The following PSD3 variants were observed in gnomAD, a reference collection of about 807,000 sequenced individuals.
PSD3 encodes pleckstrin and Sec7 domain containing 3.
PSD3 carries 49 observed loss-of-function variants against 105.5 expected under a neutral mutation model. The ratio of observed to expected loss-of-function variants is 0.46; its 90% CI spans 0.37 to 0.59. PSD3 has a LOEUF of 0.59. PSD3 is among the 20% of genes least tolerant of loss of function. The pLI is 0.00. For missense variants in PSD3, 1,561 were observed against 1,263.8 expected, an observed-to-expected ratio of 1.24 and a Z score of -3.57; for synonymous variants, 557 against 457.8, an observed-to-expected ratio of 1.22 and a Z score of -2.77.
At chr8:18,666,022 T>C (rs1202080270) in intron 9 of PSD3, among the ~76,000 whole-genome samples, 1 of 152,174 alleles carries the variant, frequency 6.6e-6, no homozygotes, top group Non-Finnish European at 1.5e-5. Context: ...AAGGCTCCAA[T>C]GACACACATA....
intron 9 of PSD3, among the ~76,000 whole-genome samples, chr8:18,670,962 G>T (rs904928354): frequency 5.3e-5 from 8 of 152,124 alleles, no homozygotes; most frequent in African/African-American, 1.9e-4. Flanking sequence ...AAATAGAGAT[G>T]ACATTAGATT....
At chr8:18,896,822 T>G (rs1819180439) in intron 2 of PSD3, among the ~76,000 whole-genome samples, 1 of 152,112 alleles carries the variant, frequency 6.6e-6, no homozygotes, top group African/African-American at 2.4e-5. Context: ...TGTTTTGTTT[T>G]GTTTTGAGAC....
At chr8:19,037,878 A>G (rs73596669) in intron 1 of PSD3, among the ~76,000 whole-genome samples, 12,293 of 151,170 alleles carry the variant, frequency 0.081, 1,552 homozygotes, top group African/African-American at 0.27. Flanking sequence ...GACAATTCCC[A>G]TAATAAATCT....
intron 2 of PSD3, among the ~76,000 whole-genome samples, chr8:18,913,258 A>G (rs1422115791): frequency 1.3e-5 from 2 of 152,074 alleles, no homozygotes; most frequent in Non-Finnish European, 2.9e-5. Flanking sequence ...CTCGTTTTCC[A>G]AATATTTTTC....
At chr8:18,966,388 T>C (rs1195256009) in intron 1 of PSD3, among the ~76,000 whole-genome samples, 4 of 151,932 alleles carry the variant, frequency 2.6e-5, no homozygotes, top group Non-Finnish European at 5.9e-5. Context: ...TGGCCAACAC[T>C]GCGAAATCCC....
intron 4 of PSD3, among the ~76,000 whole-genome samples, chr8:18,810,925 A>G (rs1221572744): frequency 1.3e-5 from 2 of 152,254 alleles, no homozygotes; most frequent in African/African-American, 4.8e-5. Context: ...TAAGTACACC[A>G]TCAGCAAAAA....
At chr8:18,738,633 A>G (rs4244449) in intron 9 of PSD3, among the ~76,000 whole-genome samples, 136,692 of 152,086 alleles carry the variant, frequency 0.9, 61,582 homozygotes, top group Non-Finnish European at 0.94. Context: ...ACCTTAACAC[A>G]AGTAGGCTGA....
chr8:18,965,451 C>A (rs1279635542), intron 1 of PSD3, among the ~76,000 whole-genome samples: 1 of 152,194 alleles, frequency 6.6e-6, no homozygotes, highest in Non-Finnish European at 1.5e-5. Context: ...CATCCCATTA[C>A]CCCGTTCGGC....
At chr8:18,654,593 A>G (rs965759360) in intron 10 of PSD3, among the ~76,000 whole-genome samples, 4 of 152,238 alleles carry the variant, frequency 2.6e-5, no homozygotes, top group African/African-American at 7.2e-5. Context: ...GTATTGTTCT[A>G]CGTAGACCTA....
chr8:19,047,458 T>G (rs529745788), intron 1 of PSD3, among the ~76,000 whole-genome samples: 1 of 152,190 alleles, frequency 6.6e-6, no homozygotes, highest in South Asian at 2.1e-4. Context: ...TAAATGTCAC[T>G]CTCTTCCTGC....
intron 2 of PSD3, among the ~76,000 whole-genome samples, chr8:18,916,050 C>T (rs1820563317): frequency 6.6e-6 from 1 of 151,734 alleles, no homozygotes; most frequent in South Asian, 2.1e-4. Context: ...GAGCGGAGAT[C>T]GTGCCATTGC....
intron 9 of PSD3, among the ~76,000 whole-genome samples, chr8:18,666,025 C>T (rs1023621839): frequency 6.6e-6 from 1 of 152,184 alleles, no homozygotes; most frequent in African/African-American, 2.4e-5. Flanking sequence ...GCTCCAATGA[C>T]ACACATAATA....
chr8:18,580,442 A>G (rs1802739578), intron 12 of PSD3, among the ~76,000 whole-genome samples: 1 of 152,058 alleles, frequency 6.6e-6, no homozygotes, highest in African/African-American at 2.4e-5. Context: ...TTTAATTCCA[A>G]TTAAACTTTT....
chr8:18,976,507 ATATGT>A (rs781198782), intron 1 of PSD3, among the ~76,000 whole-genome samples: 1 of 152,322 alleles, frequency 6.6e-6, no homozygotes, highest in East Asian at 1.9e-4. Context: ...GAAGCTGGGA[ATATGT>A]AGTTAGCAGT....
chr8:18,778,211 T>C lies in PSD3; in HGVS notation c.2083-12673A>G, dbSNP rs745331787. ...CTCCTGGGTTAAATTTATTCCCAGG[T>C]TTTTTCTTTTGTAGCTGTTATAAAT... On this transcript the variant is annotated intron_variant, in intron 8 of 15. Coordinates refer to ENST00000327040, the MANE Select transcript of PSD3 (RefSeq NM_015310.4). Among the ~76,000 whole-genome samples, 15 of 152,174 alleles carry C rather than the reference T, an allele frequency of 9.9e-5. No homozygotes were observed. In the South Asian group the frequency reaches 1.5e-3, roughly 15 times the overall value.
intron 1 of PSD3, among the ~76,000 whole-genome samples, chr8:19,030,341 G>A (rs1272444139): frequency 6.6e-6 from 1 of 152,014 alleles, no homozygotes; most frequent in Non-Finnish European, 1.5e-5. Context: ...ATGTACTATT[G>A]TATTAGTCTG....
chr8:19,065,879 C>G (rs1829058565), intron 1 of PSD3, among the ~76,000 whole-genome samples: 1 of 152,220 alleles, frequency 6.6e-6, no homozygotes, highest in Admixed American at 6.5e-5. Flanking sequence ...AGTCCCAACC[C>G]TCTAATCCTG....
chr8:18,901,413 C>A (rs1819494868), intron 2 of PSD3, among the ~76,000 whole-genome samples: 1 of 152,144 alleles, frequency 6.6e-6, no homozygotes, highest in African/African-American at 2.4e-5. Flanking sequence ...GAATTTAATC[C>A]ATTGACATTC....
chr8:18,853,808 G>T (rs1815780913), intron 4 of PSD3, among the ~76,000 whole-genome samples: 1 of 152,112 alleles, frequency 6.6e-6, no homozygotes, highest in South Asian at 2.1e-4. Flanking sequence ...ATGCAGTCTA[G>T]GAACACCAAG....
Sources: gnomAD v4.1 joint callset for allele counts (sites outside exome capture counted in the v4.1 genomes callset) on GRCh38, gnomAD v4.1.1 for gene constraint, MANE v1.5 for transcripts, NCBI Gene and HGNC (gene_info 2026-07-23, HGNC 2026-07-21) for gene names.